SPHKAP: variants seen among roughly 807,000 people sequenced by gnomAD.
SPHKAP encodes the protein SPHK1 interactor, AKAP domain containing.
Under a neutral mutation model 137.5 loss-of-function variants are expected in SPHKAP, and 67 were observed. That is an observed-to-expected ratio of 0.49 (90% CI 0.40 to 0.60). SPHKAP has a LOEUF of 0.60. SPHKAP is among the 20% of genes least tolerant of loss of function. The probability of loss-of-function intolerance (pLI) is 0.00; values close to 1 mark genes in which losing one functional copy is unlikely to be tolerated. For missense variants in SPHKAP, 2,097 were observed against 2,069.3 expected, an observed-to-expected ratio of 1.01 and a Z score of -0.26; for synonymous variants, 813 against 785.3, an observed-to-expected ratio of 1.04 and a Z score of -0.59.
In SPHKAP at chr2:228,019,314, G is replaced by A; in HGVS notation, c.1540C>T (p.Gln514Ter). The change falls in exon 7 of 12, where the codon CAG becomes TAG. Residue 514 changes from glutamine (Q) to a stop codon, truncating the protein, a stop_gained. Coordinates refer to ENST00000392056, the MANE Select transcript of SPHKAP (RefSeq NM_001142644.2). LOFTEE classifies it high-confidence loss of function. Reference protein sequence around the residue: ...ATVIGTISSPQATERLKMEQV... With the variant: ...ATVIGTISSP ...TCCATTTTGAGTCTTTCTGTGGCCT[G>A]TGGACTGGAAATAGTTCCAATCACA... is the stretch of plus-strand genomic sequence containing the variant. 1 of 1,614,182 alleles carries A rather than the reference G, an allele frequency of 6.2e-7. No homozygotes were observed. The highest frequency in any genetic ancestry group is 8.5e-7 in the Non-Finnish European group (1 of 1,180,034).
chr2:228,048,727 G>T (rs1222779009), intron 3 of SPHKAP, among the ~76,000 whole-genome samples: 3 of 152,128 alleles, frequency 2.0e-5, no homozygotes, highest in African/African-American at 7.2e-5. Context: ...TATGGCCTAG[G>T]TGTGTAGTAG....
intron 3 of SPHKAP, among the ~76,000 whole-genome samples, chr2:228,038,165 G>A (rs1417032449): frequency 6.6e-6 from 1 of 152,170 alleles, no homozygotes; most frequent in African/African-American, 2.4e-5. Context: ...GTTATGATCT[G>A]TCTGAAGGCA....
At chr2:228,152,384 A>T (rs1278068712) in intron 1 of SPHKAP, among the ~76,000 whole-genome samples, 2 of 152,088 alleles carry the variant, frequency 1.3e-5, no homozygotes, top group East Asian at 3.9e-4. Flanking sequence ...TTACCATTAT[A>T]CTTTATTTCT....
intron 7 of SPHKAP, among the ~76,000 whole-genome samples, chr2:228,011,062 G>A (rs140528727): frequency 1.3e-3 from 195 of 152,262 alleles, no homozygotes; most frequent in Admixed American, 4.0e-3. Context: ...CTCTCACAGG[G>A]TTGTTAACCT....
intron 3 of SPHKAP, among the ~76,000 whole-genome samples, chr2:228,093,871 A>AAAAC (rs1559170258): frequency 6.6e-6 from 1 of 150,602 alleles, no homozygotes; most frequent in African/African-American, 2.4e-5. Context: ...AAAAAAAAAA[A>AAAAC]AAAAAAAAAA....
intron 7 of SPHKAP, among the ~76,000 whole-genome samples, chr2:228,008,496 T>C (rs1694228565): frequency 2.0e-5 from 3 of 152,122 alleles, no homozygotes; most frequent in South Asian, 4.1e-4. Flanking sequence ...CATTTCACCA[T>C]GTTGGCCAGG....
chr2:228,021,213 A>G (rs1321737506), intron 6 of SPHKAP, among the ~76,000 whole-genome samples: 1 of 152,228 alleles, frequency 6.6e-6, no homozygotes, highest in Non-Finnish European at 1.5e-5. Context: ...TTCTGTCTTC[A>G]CAAAAATCAT....
intron 3 of SPHKAP, among the ~76,000 whole-genome samples, chr2:228,073,632 T>C (rs1051288060): frequency 2.6e-5 from 4 of 152,240 alleles, no homozygotes; most frequent in Admixed American, 2.6e-4. Context: ...GCTCAGATTT[T>C]AAACTGTGCT....
At chr2:228,097,891 A>G (rs1393164884) in intron 3 of SPHKAP, among the ~76,000 whole-genome samples, 2 of 152,200 alleles carry the variant, frequency 1.3e-5, no homozygotes, top group Non-Finnish European at 2.9e-5. Context: ...CATAGATGGG[A>G]ATCTGGGTTA....
intron 1 of SPHKAP, among the ~76,000 whole-genome samples, chr2:228,180,959 A>G (rs1288239768): frequency 6.6e-6 from 1 of 152,084 alleles, no homozygotes; most frequent in Non-Finnish European, 1.5e-5. Context: ...CAAAGGTGTT[A>G]AAGAAGGAAC....
At chr2:228,032,948 G>A (rs1001961715) in intron 3 of SPHKAP, among the ~76,000 whole-genome samples, 1 of 152,070 alleles carries the variant, frequency 6.6e-6, no homozygotes, top group Non-Finnish European at 1.5e-5. Flanking sequence ...GACCATCGAG[G>A]CTAGGAAGAA....
At position 227,991,104 on chromosome 2, in the gene SPHKAP, ACT is replaced by A; in HGVS notation, c.4853_4854del (p.Glu1618ValfsTer17). 4 of 1,614,052 alleles carry A rather than the reference ACT, an allele frequency of 2.5e-6. No homozygotes were observed. Among genetic ancestry groups the A allele is most frequent in the Non-Finnish European group, 1.7e-6 (2 of 1,180,006 alleles). On this transcript the variant is annotated frameshift_variant, in exon 11 of 12. Coordinates refer to ENST00000392056, the MANE Select transcript of SPHKAP (RefSeq NM_001142644.2). LOFTEE classifies it high-confidence loss of function. ...LLVINFDLEP[E>X]CPDAELRATL... ...GTGGCTCGGAGCTCGGCATCTGGAC[ACT>A]CTGGCTCCAGGTCAAAGTTGATCAC...
chr2:228,152,181 G>A (rs748313046), intron 1 of SPHKAP, among the ~76,000 whole-genome samples: 1 of 152,140 alleles, frequency 6.6e-6, no homozygotes, highest in East Asian at 1.9e-4. Context: ...CTTTCTAAAG[G>A]TTTCGGTTGT....
Position 228,018,893 on chromosome 2 carries a change from G to C in SPHKAP, c.1961C>G (p.Ser654Cys). The stretch of plus-strand genomic sequence containing the variant: ...GACATTTTCTGAGCACAGGGTCTGA[G>C]ACTTTGAAGCAGTTTCCATGATTCT... The part of the protein sequence containing the change: ...NRRIMETASK[S>C]QTLCSENVVR... Residue 654 changes from serine (S) to cysteine (C), a missense_variant, in exon 7 of 12, where the codon TCT becomes TGT. By Grantham distance (112) the Ser-to-Cys change is moderately radical (BLOSUM62 -1). Coordinates refer to ENST00000392056, the MANE Select transcript of SPHKAP (RefSeq NM_001142644.2). The C allele has an allele frequency of 6.2e-7, 1 of 1,614,188 alleles. No individual in the cohort carries two copies. Among genetic ancestry groups the C allele is most frequent in the Non-Finnish European group, 8.5e-7 (1 of 1,180,028 alleles).
Position 228,042,130 on chromosome 2 carries a change from G to A in SPHKAP, c.247-14587C>T, listed in dbSNP as rs535912644. On this transcript the variant is annotated intron_variant, in intron 3 of 11. Coordinates refer to ENST00000392056, the MANE Select transcript of SPHKAP (RefSeq NM_001142644.2). Reference sequence around the variant, plus strand: ...TGCAAACAAACAAACAACCAATGGAGCATCACAGGTACTGGCTTACTCCTG... The same window carrying A: ...TGCAAACAAACAAACAACCAATGGAACATCACAGGTACTGGCTTACTCCTG... 1.0e-3 allele frequency among the ~76,000 whole-genome samples: 156 copies of A among 152,248 alleles called. 1 individual carries two copies. Among genetic ancestry groups the A allele is most frequent in the African/African-American group, 3.5e-3 (146 of 41,538 alleles).
At chr2:228,097,951 C>T (rs924010769) in intron 3 of SPHKAP, among the ~76,000 whole-genome samples, 5 of 152,138 alleles carry the variant, frequency 3.3e-5, no homozygotes, top group African/African-American at 7.2e-5. Context: ...GAGACGAGTA[C>T]ATGTGTCTTT....
At chr2:227,991,519 T>G (rs1323682970) in intron 9 of SPHKAP, 193 bp from the exon 10 acceptor site, 1 of 985,312 alleles carries the variant, frequency 1.0e-6, no homozygotes, top group Non-Finnish European at 1.2e-6. Context: ...CTGCAATAAA[T>G]GTCCTCCTCC....
intron 7 of SPHKAP, among the ~76,000 whole-genome samples, chr2:228,007,889 C>A (rs757497478): frequency 7.2e-5 from 11 of 152,056 alleles, no homozygotes; most frequent in African/African-American, 1.7e-4. Flanking sequence ...CCTTTTCTCA[C>A]CTCTTATATA....
chr2:228,085,884 T>C (rs1034196584), intron 3 of SPHKAP, among the ~76,000 whole-genome samples: 2 of 152,178 alleles, frequency 1.3e-5, no homozygotes, highest in Non-Finnish European at 2.9e-5. Context: ...GAGATGTTCT[T>C]CCTCATTGAC....
Sources: allele counts gnomAD v4.1 joint callset (sites outside exome capture counted in the v4.1 genomes callset), GRCh38; gene constraint gnomAD v4.1.1; transcripts MANE v1.5; gene names NCBI Gene and HGNC (gene_info 2026-07-23, HGNC 2026-07-21).